Variants in UNC93A observed in about 807,000 individuals in gnomAD.
The protein encoded by UNC93A is N-acetylglucosamine transporter UNC93A.
UNC93A carries 43 observed loss-of-function variants against 47.5 expected under a neutral mutation model. The ratio of observed to expected loss-of-function variants is 0.91; its 90% CI spans 0.71 to 1.17. The LOEUF (loss-of-function observed/expected upper bound fraction) is 1.17. UNC93A is among the 50% of genes most tolerant of loss of function. The probability of loss-of-function intolerance (pLI) is 0.00; values close to 1 mark genes in which losing one functional copy is unlikely to be tolerated. For missense variants in UNC93A, 605 were observed against 577.6 expected (o/e 1.05, Z -0.49); for synonymous variants, 280 against 258.0 (o/e 1.09, Z -0.82).
intron 5 of UNC93A, 92 bp from the exon 6 acceptor site, chr6:167,305,823 G>A: frequency 1.3e-6 from 2 of 1,573,414 alleles, no homozygotes; most frequent in Non-Finnish European, 8.7e-7. Flanking sequence ...GGCCATCTCA[G>A]AGCAGATGTT....
upstream of UNC93A, among the ~76,000 whole-genome samples, chr6:167,270,063 T>TGGG (rs1247578866): frequency 0.011 from 167 of 14,936 alleles, 1 homozygote; most frequent in African/African-American, 0.02. Flanking sequence ...GGGGTGGGGG[T>TGGG]GGGGGGGGGG....
At chr6:167,293,821 C>G (rs985709988) in intron 1 of UNC93A, among the ~76,000 whole-genome samples, 1 of 152,182 alleles carries the variant, frequency 6.6e-6, no homozygotes, top group Admixed American at 6.5e-5. Flanking sequence ...CTGCAGGCCT[C>G]CAAGTTCTCA....
In UNC93A at chr6:167,284,781, T is replaced by A. The variant is rs1448909069; in HGVS notation, c.-51-6658T>A. On this transcript the variant is annotated intron_variant, in intron 1 of 3. Transcript: ENST00000503433. ...CCGTGTCCGGGGTGCAGACCCACAG[T>A]CTGGGACTCTGAGGGCGGTCGCCAC... is the stretch of plus-strand genomic sequence containing the variant. 2.6e-5 allele frequency among the ~76,000 whole-genome samples: 4 copies of A among 152,136 alleles called. No individual in the cohort carries two copies. The East Asian group carries it at 7.7e-4, about 29-fold the overall frequency.
chr6:167,280,288 G>T (rs1474366809), intron 1 of UNC93A, among the ~76,000 whole-genome samples: 3 of 152,178 alleles, frequency 2.0e-5, no homozygotes, highest in African/African-American at 7.2e-5. Flanking sequence ...CTTTGTAGAG[G>T]CTGGGGGAGG....
chr6:167,296,920 T>C lies in UNC93A; in HGVS notation c.499+659T>C, dbSNP rs369735133. 2.2e-4 allele frequency among the ~76,000 whole-genome samples: 34 copies of C among 152,354 alleles called. 2 individuals carry two copies. Among genetic ancestry groups the C allele is most frequent in the African/African-American group, 7.5e-4 (31 of 41,558 alleles). On this transcript the variant is annotated intron_variant, in intron 3 of 7. Coordinates refer to ENST00000230256, the MANE Select transcript of UNC93A (RefSeq NM_018974.4). ...TCCTGACTAGTATCACAACTATTTC[T>C]ATCACTTCATCAAGGTTCTCCATCT...
chr6:167,304,624 G>T (rs1778331651), intron 5 of UNC93A, among the ~76,000 whole-genome samples: 1 of 151,610 alleles, frequency 6.6e-6, no homozygotes, highest in Non-Finnish European at 1.5e-5. Flanking sequence ...AGGCTGGAGT[G>T]CAATGGCGCC....
upstream of UNC93A, among the ~76,000 whole-genome samples, chr6:167,286,588 G>A (rs978391055): frequency 6.6e-6 from 1 of 152,142 alleles, no homozygotes; most frequent in Non-Finnish European, 1.5e-5. Flanking sequence ...GAGAGCAAAG[G>A]CACGAAATTA....
At position 167,306,143 on chromosome 6, in the gene UNC93A, C is replaced by T. The variant is rs186599883; in HGVS notation, c.976+93C>T. On this transcript the variant is annotated intron_variant, in intron 6 of 7. Coordinates refer to ENST00000230256, the MANE Select transcript of UNC93A (RefSeq NM_018974.4). ...CAGTCAGGACAGGCTGGAAAAGTGCCCCTGAAACTGCTTTGAAATCAGTAA... is the reference window on the plus strand; with the variant it reads ...CAGTCAGGACAGGCTGGAAAAGTGCTCCTGAAACTGCTTTGAAATCAGTAA... 226 of 1,551,890 alleles carry T rather than the reference C, an allele frequency of 1.5e-4. 2 individuals carry two copies. The East Asian group carries it at 4.8e-3, about 33-fold the overall frequency.
intron 1 of UNC93A, among the ~76,000 whole-genome samples, chr6:167,284,747 G>T (rs1783692726): frequency 6.6e-6 from 1 of 152,226 alleles, no homozygotes; most frequent in African/African-American, 2.4e-5. Context: ...CCTGAGAAGG[G>T]CCCTGGTCCC....
chr6:167,305,533 C>G (rs944157482), intron 5 of UNC93A, among the ~76,000 whole-genome samples: 4 of 151,532 alleles, frequency 2.6e-5, no homozygotes, highest in Non-Finnish European at 5.9e-5. Flanking sequence ...TCAGGGCAAT[C>G]TTTTCATTTT....
rs373060662 is a variant in UNC93A, at chr6:167,309,953, G to A, written c.1108+2043G>A. ...AGGCTGGAAGGGGTAGACTGGACCC[G>A]AGGCCAGGCCGGGGCATTGCTTAAC... On this transcript the variant is annotated intron_variant, in intron 7 of 7. Coordinates refer to ENST00000230256, the MANE Select transcript of UNC93A (RefSeq NM_018974.4). Among the ~76,000 whole-genome samples the A allele has an allele frequency of 3.4e-4, 52 of 152,292 alleles. 1 individual carries two copies. The East Asian group carries it at 5.2e-3, about 15-fold the overall frequency.
chr6:167,297,190 T>G (rs1583077739), intron 3 of UNC93A, among the ~76,000 whole-genome samples: 1 of 152,198 alleles, frequency 6.6e-6, no homozygotes, highest in East Asian at 1.9e-4. Context: ...CGAAGACCTT[T>G]CTGCAGGTGA....
At chr6:167,315,043 C>A in intron 7 of UNC93A, 144 bp from the exon 8 acceptor site, 1 of 1,212,386 alleles carries the variant, frequency 8.2e-7, no homozygotes, top group Non-Finnish European at 1.1e-6. Context: ...TATCATCTGG[C>A]ATGTAAAATC....
At chr6:167,282,509 G>A (rs1461239369) in intron 1 of UNC93A, among the ~76,000 whole-genome samples, 1 of 152,068 alleles carries the variant, frequency 6.6e-6, no homozygotes, top group African/African-American at 2.4e-5. Flanking sequence ...TTGGAGCATG[G>A]GTTCAGGTTC....
At chr6:167,313,549 G>A (rs1014136787) in intron 7 of UNC93A, among the ~76,000 whole-genome samples, 2 of 152,048 alleles carry the variant, frequency 1.3e-5, no homozygotes, top group African/African-American at 2.4e-5. Flanking sequence ...GGAGGACAAC[G>A]ATTTCTAATC....
At chr6:167,269,896 T>C (rs1421075775), upstream of UNC93A, among the ~76,000 whole-genome samples, 1 of 152,136 alleles carries the variant, frequency 6.6e-6, no homozygotes, top group Non-Finnish European at 1.5e-5. Flanking sequence ...ATTACAGGCG[T>C]GAGCCACTGG....
chr6:167,313,244 A>T (rs1778606204), intron 7 of UNC93A, among the ~76,000 whole-genome samples: 1 of 152,148 alleles, frequency 6.6e-6, no homozygotes, highest in Non-Finnish European at 1.5e-5. Flanking sequence ...TCTCCCAAAC[A>T]CATCTAGGTG....
Position 167,297,658 on chromosome 6 carries a change from G to C in UNC93A, c.500-287G>C, listed in dbSNP as rs1185448963. Among the ~76,000 whole-genome samples the C allele has an allele frequency of 2.0e-5, 3 of 152,116 alleles. 1 individual carries two copies. Among genetic ancestry groups the C allele is most frequent in the Admixed American group, 1.3e-4 (2 of 15,274 alleles). On this transcript the variant is annotated intron_variant, in intron 3 of 7. Transcript: ENST00000230256. ...GAAAAATTTTAATTATGTCAGAAAA[G>C]CAGTAAAACAAGTAACCAGCACTTT... is the stretch of plus-strand genomic sequence containing the variant.
intron 1 of UNC93A, among the ~76,000 whole-genome samples, chr6:167,293,881 G>A (rs1244806803): frequency 6.6e-6 from 1 of 152,218 alleles, no homozygotes; most frequent in Non-Finnish European, 1.5e-5. Context: ...CTGCCCTGGA[G>A]CTGAGGTCTG....
Sources: allele counts gnomAD v4.1 joint callset (sites outside exome capture counted in the v4.1 genomes callset), GRCh38; gene constraint gnomAD v4.1.1; transcripts MANE v1.5; gene names NCBI Gene and HGNC (gene_info 2026-07-23, HGNC 2026-07-21).